The following SDAD1 variants were observed in gnomAD, a reference collection of about 807,000 sequenced individuals.
The protein encoded by SDAD1 is protein SDA1 homolog.
SDAD1 carries 79 observed loss-of-function variants against 100.3 expected under a neutral mutation model. That is an observed-to-expected ratio of 0.79 (90% CI 0.66 to 0.95). SDAD1 has a LOEUF of 0.95. Ranked by LOEUF, SDAD1 falls within the 40% of genes least tolerant of loss-of-function variation. The pLI is 0.00. For missense variants in SDAD1, 790 were observed against 810.9 expected (o/e 0.97, Z 0.31); for synonymous variants, 267 against 271.4 (o/e 0.98, Z 0.16).
chr4:75,971,380 C>T lies in SDAD1; in HGVS notation c.790G>A (p.Glu264Lys), dbSNP rs151112401. The T allele has an allele frequency of 3.1e-6, 5 of 1,613,808 alleles. No homozygotes were observed. In the South Asian group the frequency reaches 4.4e-5, roughly 14 times the overall value. ...ACCTTGAGCACTTTCATTGCCTTTT[C>T]CAACTTTTTCTTGTTTTTGGAACTT... is the stretch of plus-strand genomic sequence containing the variant. ...KKSSKNKKKL[E>K]KAMKVLKKQK... The change falls in exon 9 of 22, where the codon GAA (glutamate) becomes AAA (lysine). Residue 264 changes from glutamate (E) to lysine (K), a missense_variant. Transcript: ENST00000356260.
intron 11 of SDAD1, among the ~76,000 whole-genome samples, chr4:75,968,629 C>T (rs1729685750): frequency 6.6e-6 from 1 of 151,790 alleles, no homozygotes; most frequent in South Asian, 2.1e-4. Context: ...GTCAGGAAAG[C>T]CAAGAAGAGT....
At chr4:75,982,365 C>G (rs1730581787) in intron 1 of SDAD1, among the ~76,000 whole-genome samples, 1 of 152,158 alleles carries the variant, frequency 6.6e-6, no homozygotes, top group Non-Finnish European at 1.5e-5. Flanking sequence ...ATGATCCCGA[C>G]TGCTGGGTGT....
Position 75,976,633 on chromosome 4 carries a change from A to C in SDAD1, c.406-638T>G, listed in dbSNP as rs555496930. Among the ~76,000 whole-genome samples, 151 of 152,330 alleles carry C rather than the reference A, an allele frequency of 9.9e-4. 1 individual carries two copies. Among genetic ancestry groups the C allele is most frequent in the Non-Finnish European group, 1.8e-3 (124 of 68,018 alleles). On this transcript the variant is annotated intron_variant, in intron 4 of 21. Coordinates refer to ENST00000356260, the MANE Select transcript of SDAD1 (RefSeq NM_018115.4). ...TTTTGGGGGTGACAAAATGTTCAAA[A>C]ATTGTTTGCAGTGATGGTTGTACCA...
intron 4 of SDAD1, 45 bp from the exon 5 acceptor site, chr4:75,976,040 T>A (rs920766500): frequency 1.1e-5 from 14 of 1,223,862 alleles, no homozygotes; most frequent in Non-Finnish European, 1.5e-5. Context: ...CTAACCAACA[T>A]TTTTAACCTT....
chr4:75,962,802 A>C (rs1452932871), intron 14 of SDAD1, among the ~76,000 whole-genome samples: 2 of 152,202 alleles, frequency 1.3e-5, no homozygotes, highest in African/African-American at 4.8e-5. Flanking sequence ...GCCCTTTGTC[A>C]GATGGGTAGA....
At chr4:75,962,626 G>C (rs1560540376) in intron 14 of SDAD1, among the ~76,000 whole-genome samples, 1 of 152,188 alleles carries the variant, frequency 6.6e-6, no homozygotes, top group African/African-American at 2.4e-5. Context: ...TTGTGGTTTT[G>C]ATTTGCATTT....
At chr4:75,988,143 GTGTCTCTGCTTC>G (rs1455317478) in intron 1 of SDAD1, among the ~76,000 whole-genome samples, 1 of 152,132 alleles carries the variant, frequency 6.6e-6, no homozygotes, top group African/African-American at 2.4e-5. Flanking sequence ...TTCTTATGTG[GTGTCTCTGCTTC>G]TATCTTTGCC....
In SDAD1 at chr4:75,957,330, C is replaced by T. The variant is rs1487696468; in HGVS notation, c.1849G>A (p.Ala617Thr). Reference protein sequence around the residue: ...KSDKETRLATAMAGKTDRKEF... With the variant: ...KSDKETRLATTMAGKTDRKEF... ...GGAATGATATGCTCACTCACCATTG[C>T]AGTTGCTAGTCTTGTCTCTTTGTCA... Residue 617 changes from alanine (A) to threonine (T), a missense_variant, in exon 20 of 22, where the codon GCA becomes ACA. Transcript: ENST00000356260. 1.2e-6 allele frequency: 2 copies of T among 1,613,282 alleles called. No homozygotes were observed. Among genetic ancestry groups the T allele is most frequent in the Admixed American group, 1.7e-5 (1 of 59,964 alleles).
chr4:75,976,610 T>C (rs1385267174), intron 4 of SDAD1, among the ~76,000 whole-genome samples: 1 of 152,172 alleles, frequency 6.6e-6, no homozygotes, highest in Non-Finnish European at 1.5e-5. Context: ...AGAGTTTCTT[T>C]TGGGGGTGAC....
intron 7 of SDAD1, among the ~76,000 whole-genome samples, chr4:75,973,811 A>G (rs926877083): frequency 3.3e-5 from 5 of 152,150 alleles, no homozygotes; most frequent in African/African-American, 1.2e-4. Flanking sequence ...TTAAAAACTC[A>G]TAATTCTATT....
chr4:75,981,889 CTG>C lies in SDAD1; in HGVS notation c.195+42_195+43del, dbSNP rs780251902. ...TATTAGTGAAAAAACATTCAGCAAA[CTG>C]TGTGTTAATACTGGTCTTTATTTAA... is the stretch of plus-strand genomic sequence containing the variant. On this transcript the variant is annotated intron_variant, in intron 2 of 21. Coordinates refer to ENST00000356260, the MANE Select transcript of SDAD1 (RefSeq NM_018115.4). 5.5e-6 allele frequency: 7 copies of C among 1,267,956 alleles called. No individual in the cohort carries two copies. In the South Asian group the frequency reaches 9.0e-5, roughly 16 times the overall value. The allele number at this position is 1,267,956 out of a possible 1,614,324, so 78.5% of individuals were successfully genotyped here. A position where few individuals can be genotyped will look rare whatever the true frequency, so the allele number is the denominator to read the frequency against.
At chr4:75,982,123 A>C in intron 1 of SDAD1, 86 bp from the exon 2 acceptor site, 4 of 735,438 alleles carry the variant, frequency 5.4e-6, no homozygotes, top group Non-Finnish European at 8.8e-6. Flanking sequence ...TCTTAGTAGA[A>C]ACTGTTGACG....
intron 3 of SDAD1, among the ~76,000 whole-genome samples, chr4:75,979,845 T>A (rs1240232220): frequency 6.6e-6 from 1 of 152,048 alleles, no homozygotes; most frequent in Non-Finnish European, 1.5e-5. Context: ...TAAAAAAAAA[T>A]TTAGAGGTGG....
At chr4:75,972,182 C>T (rs1729904792) in intron 8 of SDAD1, among the ~76,000 whole-genome samples, 1 of 152,032 alleles carries the variant, frequency 6.6e-6, no homozygotes, top group Non-Finnish European at 1.5e-5. Context: ...AAGTGATCTG[C>T]CCGCCTTGGC....
At chr4:75,978,599 T>C (rs997848661) in intron 3 of SDAD1, among the ~76,000 whole-genome samples, 8 of 152,192 alleles carry the variant, frequency 5.3e-5, no homozygotes, top group African/African-American at 1.9e-4. Flanking sequence ...CCTTGAAGAA[T>C]AGTTGATTCC....
At chr4:75,981,215 T>C (rs1730485451) in intron 3 of SDAD1, among the ~76,000 whole-genome samples, 157 bp downstream of exon 3, 1 of 152,236 alleles carries the variant, frequency 6.6e-6, no homozygotes, top group Non-Finnish European at 1.5e-5. Flanking sequence ...ACTCTAAGTA[T>C]AAATGAGAAG....
In SDAD1 at chr4:75,982,142, G is replaced by C. The variant is rs10021434; in HGVS notation, c.91-105C>G. 152,718 of 636,318 alleles carry C rather than the reference G, an allele frequency of 0.24. 19,668 individuals are homozygous for C. Among genetic ancestry groups the C allele is most frequent in the East Asian group, 0.36 (12,289 of 33,788 alleles). The allele number at this position is 636,318 out of a possible 1,614,324, so 39.4% of individuals were successfully genotyped here. On this transcript the variant is annotated intron_variant, in intron 1 of 21. Coordinates refer to ENST00000356260, the MANE Select transcript of SDAD1 (RefSeq NM_018115.4). The stretch of plus-strand genomic sequence containing the variant: ...AGTAGAAACTGTTGACGATCACATG[G>C]AGAAAAAGATAATGCAAAAGTATAT...
intron 6 of SDAD1, among the ~76,000 whole-genome samples, chr4:75,974,518 C>T (rs1322323757): frequency 1.3e-5 from 2 of 151,424 alleles, no homozygotes; most frequent in Non-Finnish European, 2.9e-5. Context: ...GAGTTCCGGT[C>T]CAGCCTGATC....
At chr4:75,977,991 A>T (rs551779913) in intron 3 of SDAD1, among the ~76,000 whole-genome samples, 5 of 152,272 alleles carry the variant, frequency 3.3e-5, no homozygotes, top group African/African-American at 1.2e-4. Flanking sequence ...GTCATGAAGG[A>T]AGTAAAACAG....
Sources: gnomAD v4.1 joint callset for allele counts (sites outside exome capture counted in the v4.1 genomes callset) on GRCh38, gnomAD v4.1.1 for gene constraint, MANE v1.5 for transcripts, NCBI Gene and HGNC (gene_info 2026-07-23, HGNC 2026-07-21) for gene names.